Variants in TTC7A observed in about 807,000 individuals in gnomAD.
TTC7A encodes the protein tetratricopeptide repeat protein 7A.
Under a neutral mutation model 103.7 loss-of-function variants are expected in TTC7A, and 110 were observed. The ratio of observed to expected loss-of-function variants is 1.06; its 90% CI spans 0.91 to 1.24. TTC7A has a LOEUF of 1.24. TTC7A is among the 50% of genes most tolerant of loss of function. The pLI is 0.00. For missense variants in TTC7A, 1,340 were observed against 1,116.3 expected, an observed-to-expected ratio of 1.20 and a Z score of -2.86; for synonymous variants, 521 against 467.9, an observed-to-expected ratio of 1.11 and a Z score of -1.47.
At chr2:46,915,953 A>C (rs375001781), upstream of TTC7A, 479 of 985,258 alleles carry the variant, frequency 4.9e-4, 1 homozygote, top group South Asian at 9.6e-3. Context: ...CGGGCCCAGC[A>C]CTGGCGGGAC....
intron 15 of TTC7A, 96 bp downstream of exon 15, chr2:47,029,480 C>T: frequency 7.2e-7 from 1 of 1,385,084 alleles, no homozygotes; most frequent in Non-Finnish European, 1.0e-6. Context: ...TCAGCCAACA[C>T]ACATGAAGTA....
chr2:46,968,104 C>T (rs1034335330), intron 3 of TTC7A, among the ~76,000 whole-genome samples: 1 of 152,194 alleles, frequency 6.6e-6, no homozygotes, highest in Non-Finnish European at 1.5e-5. Flanking sequence ...CTTGGAAGGG[C>T]GGCTGCCTTG....
chr2:47,025,734 C>T (rs1049245909), intron 14 of TTC7A, among the ~76,000 whole-genome samples: 6 of 152,102 alleles, frequency 3.9e-5, no homozygotes, highest in East Asian at 1.9e-4. Flanking sequence ...TCGGTGGCTT[C>T]GCTCCCTTCC....
chr2:47,067,539 G>A (rs1684281248), intron 19 of TTC7A, among the ~76,000 whole-genome samples: 2 of 152,200 alleles, frequency 1.3e-5, no homozygotes, highest in South Asian at 2.1e-4. Flanking sequence ...GTTCTCCTAC[G>A]GTTGGTTGGC....
chr2:47,042,978 G>A (rs1001818567), intron 15 of TTC7A, among the ~76,000 whole-genome samples: 7 of 152,292 alleles, frequency 4.6e-5, no homozygotes, highest in Middle Eastern at 3.4e-3. Context: ...GAGTCACAGC[G>A]TTCTGGTGAG....
intron 2 of TTC7A, 24 bp from the exon 3 acceptor site, chr2:46,956,815 G>GTCCTT: frequency 6.2e-7 from 1 of 1,613,058 alleles, no homozygotes; most frequent in Middle Eastern, 1.7e-4. Flanking sequence ...GGCAGGCGCT[G>GTCCTT]GTAACATGTC....
At chr2:47,003,233 G>A (rs1242821145) in intron 8 of TTC7A, among the ~76,000 whole-genome samples, 1 of 152,192 alleles carries the variant, frequency 6.6e-6, no homozygotes, top group Non-Finnish European at 1.5e-5. Flanking sequence ...CCTGGGGCCA[G>A]GAGTCTAGCC....
chr2:47,046,676 A>T, intron 16 of TTC7A: 1 of 506,056 alleles, frequency 2.0e-6, no homozygotes, highest in South Asian at 2.5e-5. Flanking sequence ...GAAGGAAGAG[A>T]AATCATTCTT....
At chr2:47,017,523 C>T (rs1250058387) in intron 11 of TTC7A, among the ~76,000 whole-genome samples, 2 of 151,960 alleles carry the variant, frequency 1.3e-5, no homozygotes, top group South Asian at 2.1e-4. Context: ...GGTTACAGAG[C>T]GAGACCCCAT....
intron 8 of TTC7A, among the ~76,000 whole-genome samples, chr2:47,003,317 G>A (rs1677033104): frequency 6.6e-6 from 1 of 152,136 alleles, no homozygotes; most frequent in African/African-American, 2.4e-5. Context: ...GGACAGGAGA[G>A]GCCTGACCTC....
chr2:47,010,423 C>CCAGA (rs1677915006), intron 10 of TTC7A, among the ~76,000 whole-genome samples: 1 of 152,204 alleles, frequency 6.6e-6, no homozygotes, highest in African/African-American at 2.4e-5. Flanking sequence ...ATCCCAAGAT[C>CCAGA]TGGATAAGTG....
At chr2:47,050,308 G>A (rs1682750794) in intron 17 of TTC7A, 3 of 511,762 alleles carry the variant, frequency 5.9e-6, no homozygotes, top group African/African-American at 3.8e-5. Flanking sequence ...CTGAAAAGGT[G>A]GCTGTGGAGC....
chr2:46,986,057 T>C (rs1428452165), intron 5 of TTC7A, among the ~76,000 whole-genome samples: 1 of 152,150 alleles, frequency 6.6e-6, no homozygotes, highest in Non-Finnish European at 1.5e-5. Flanking sequence ...TTGGCACGTG[T>C]CCTGGGTGGG....
rs1432998714 is a variant in TTC7A, at chr2:47,074,405, A to ATGAT, written c.*484_*487dup. On this transcript the variant is annotated 3_prime_UTR_variant, in exon 20 of 20. Coordinates refer to ENST00000319190, the MANE Select transcript of TTC7A (RefSeq NM_020458.4). ...CCCTTCTCAGACTTGGAGTTAGTAG[A>ATGAT]TGATTCCTGCATTGCCCCTGCTTGC... 6.3e-6 allele frequency: 1 copy of ATGAT among 158,586 alleles called. No individual in the cohort carries two copies. The highest frequency in any genetic ancestry group is 6.1e-5 in the Admixed American group (1 of 16,366). The allele number at this position is 158,586 out of a possible 1,614,324, so 9.8% of individuals were successfully genotyped here.
chr2:47,047,081 G>A (rs1448700433), intron 16 of TTC7A, among the ~76,000 whole-genome samples: 1 of 152,194 alleles, frequency 6.6e-6, no homozygotes. Flanking sequence ...TCTGCAGGAA[G>A]TCTTTGCTCA....
At chr2:47,017,660 C>T (rs997757068) in intron 11 of TTC7A, among the ~76,000 whole-genome samples, 1 of 152,196 alleles carries the variant, frequency 6.6e-6, no homozygotes, top group Admixed American at 6.5e-5. Flanking sequence ...AAAGCTCGAC[C>T]AGCTCAGCAT....
intron 2 of TTC7A, among the ~76,000 whole-genome samples, chr2:46,924,159 C>T (rs537858009): frequency 6.6e-6 from 1 of 151,422 alleles, no homozygotes; most frequent in African/African-American, 2.4e-5. Flanking sequence ...AGCTATGATC[C>T]TGCCACTGCA....
intron 15 of TTC7A, among the ~76,000 whole-genome samples, chr2:47,038,402 A>G (rs941087016): frequency 6.6e-6 from 1 of 152,160 alleles, no homozygotes; most frequent in African/African-American, 2.4e-5. Context: ...CAGGCTGGGG[A>G]CCATTTACTA....
At chr2:46,948,830 A>G (rs72886699) in intron 1 of TTC7A, among the ~76,000 whole-genome samples, 4,067 of 152,278 alleles carry the variant, frequency 0.027, 97 homozygotes, top group African/African-American at 0.064. Context: ...TGAGGAGGCA[A>G]TGGCAGCCCT....
Sources: gnomAD v4.1 joint callset for allele counts (sites outside exome capture counted in the v4.1 genomes callset) on GRCh38, gnomAD v4.1.1 for gene constraint, MANE v1.5 for transcripts, NCBI Gene and HGNC (gene_info 2026-07-23, HGNC 2026-07-21) for gene names.